CPXM2: variants seen among roughly 807,000 people sequenced by gnomAD.
CPXM2 encodes the protein carboxypeptidase X, M14 family member 2.
In CPXM2, 66 loss-of-function variants were observed where a neutral mutation model predicts 86.1. The ratio of observed to expected loss-of-function variants is 0.77; its 90% CI spans 0.63 to 0.94. The LOEUF is 0.94. Among genes scored for constraint, CPXM2 ranks in the 40% least tolerant of loss-of-function variants. CPXM2 has a pLI of 0.00. For synonymous variants in CPXM2, 388 were observed against 400.2 expected (o/e 0.97, Z 0.36); for missense variants, 948 against 1,026.3 (o/e 0.92, Z 1.04).
intron 4 of CPXM2, among the ~76,000 whole-genome samples, chr10:123,834,373 C>T (rs1248885970): frequency 6.6e-6 from 1 of 152,222 alleles, no homozygotes; most frequent in Non-Finnish European, 1.5e-5. Flanking sequence ...GACAACCCTG[C>T]CTGCTCCCCA....
At chr10:123,769,099 A>G (rs1463458679) in intron 8 of CPXM2, among the ~76,000 whole-genome samples, 1 of 152,232 alleles carries the variant, frequency 6.6e-6, no homozygotes, top group African/African-American at 2.4e-5. Flanking sequence ...CTTCCTATTA[A>G]GTTTAACAAA....
At chr10:123,755,755 C>T (rs1332129931) in intron 12 of CPXM2, among the ~76,000 whole-genome samples, 1 of 152,186 alleles carries the variant, frequency 6.6e-6, no homozygotes, top group Non-Finnish European at 1.5e-5. Flanking sequence ...TGTGCCAATC[C>T]AAGGTGACAT....
At chr10:123,775,826 T>G (rs1433084549) in intron 7 of CPXM2, among the ~76,000 whole-genome samples, 1 of 152,218 alleles carries the variant, frequency 6.6e-6, no homozygotes, top group African/African-American at 2.4e-5. Flanking sequence ...ATCTCTCCAG[T>G]GGCTACCAGC....
At chr10:123,908,246 A>G (rs1055917872) in intron 2 of CPXM2, among the ~76,000 whole-genome samples, 5 of 151,026 alleles carry the variant, frequency 3.3e-5, no homozygotes, top group African/African-American at 1.2e-4. Context: ...AGAGGAGGAA[A>G]GGATGGGGTG....
chr10:123,878,506 CGTGTGTGTGTGTGTGTGTGTGT>C (rs200009107), intron 2 of CPXM2, among the ~76,000 whole-genome samples: 4 of 134,800 alleles, frequency 3.0e-5, no homozygotes, highest in African/African-American at 1.1e-4. Context: ...CAAATTCAGA[CGTGTGTGTGTGTGTGTGTGTGT>C]GTGTGTGTGT....
intron 4 of CPXM2, among the ~76,000 whole-genome samples, chr10:123,805,147 CAG>C (rs1192409717): frequency 6.6e-6 from 1 of 151,988 alleles, no homozygotes. Context: ...TAGGTTGTAA[CAG>C]AGTTGTTTCA....
chr10:123,862,775 A>T, intron 2 of CPXM2, 52 bp from the exon 3 acceptor site: 1 of 1,491,904 alleles, frequency 6.7e-7, no homozygotes, highest in Non-Finnish European at 9.3e-7. Flanking sequence ...GAAAGGGATG[A>T]GTTTCTTATT....
chr10:123,917,943 T>C (rs1381087875), intron 2 of CPXM2, among the ~76,000 whole-genome samples: 2 of 152,202 alleles, frequency 1.3e-5, no homozygotes, highest in African/African-American at 4.8e-5. Context: ...TCAGGGATGA[T>C]GTTATAATAG....
intron 4 of CPXM2, among the ~76,000 whole-genome samples, chr10:123,819,367 A>G (rs1847878822): frequency 6.6e-6 from 1 of 152,222 alleles, no homozygotes; most frequent in South Asian, 2.1e-4. Flanking sequence ...CCAGGAAAAA[A>G]ACATGACCTG....
chr10:123,882,945 C>T (rs1945116647), intron 1 of CPXM2, among the ~76,000 whole-genome samples: 1 of 150,050 alleles, frequency 6.7e-6, no homozygotes, highest in Non-Finnish European at 1.5e-5. Flanking sequence ...AGGCACCCCC[C>T]ACCAACCCCG....
intron 2 of CPXM2, among the ~76,000 whole-genome samples, chr10:123,911,613 G>C (rs917862180): frequency 1.3e-5 from 2 of 152,006 alleles, no homozygotes; most frequent in African/African-American, 4.8e-5. Flanking sequence ...TCAGAGATGA[G>C]AGAAGCTGAG....
chr10:123,850,759 G>A (rs1056861635), intron 3 of CPXM2, among the ~76,000 whole-genome samples: 2 of 152,168 alleles, frequency 1.3e-5, no homozygotes, highest in East Asian at 1.9e-4. Flanking sequence ...GTATGCTGAC[G>A]CTGCTAAGAT....
intron 4 of CPXM2, among the ~76,000 whole-genome samples, chr10:123,808,583 T>C (rs546522590): frequency 6.6e-6 from 1 of 152,166 alleles, no homozygotes; most frequent in Non-Finnish European, 1.5e-5. Context: ...CACAGTGGTA[T>C]CCACTGGTTC....
At position 123,891,498 on chromosome 10, in the gene CPXM2, G is replaced by C; in HGVS notation, c.162C>G (p.Leu54=). Residue 54 remains leucine (L), a synonymous_variant, in exon 1 of 14, where the codon CTC becomes CTG. Coordinates refer to ENST00000241305, the MANE Select transcript of CPXM2 (RefSeq NM_198148.3). The surrounding 1 kb of genome is among the most constrained non-coding windows in gnomAD (Gnocchi z 5.6). ...CAGGCAGCGGCGGAGAGAAGGTCTC[G>C]AGCTCGGGCTCCGGGCGCGCGTAGT... ...EPYYARPEPE[L]ETFSPPLPAG... 1.3e-6 allele frequency: 2 copies of C among 1,547,948 alleles called. No individual in the cohort carries two copies. Among genetic ancestry groups the C allele is most frequent in the Non-Finnish European group, 1.7e-6 (2 of 1,145,390 alleles).
chr10:123,792,441 C>G (rs149751114), intron 6 of CPXM2, among the ~76,000 whole-genome samples: 2 of 152,098 alleles, frequency 1.3e-5, no homozygotes, highest in African/African-American at 4.8e-5. Flanking sequence ...AAACGCAAGG[C>G]GCCAGCTAGC....
At chr10:123,915,026 T>C (rs76870594) in intron 2 of CPXM2, among the ~76,000 whole-genome samples, 230 of 152,348 alleles carry the variant, frequency 1.5e-3, no homozygotes, top group African/African-American at 5.5e-3. Context: ...AGGTTTGAGA[T>C]TGGACCTGCT....
chr10:123,788,439 C>G (rs910542020), intron 6 of CPXM2, among the ~76,000 whole-genome samples: 2 of 152,134 alleles, frequency 1.3e-5, no homozygotes, highest in African/African-American at 4.8e-5. Flanking sequence ...AAGCCCGATA[C>G]GAAACTTCCC....
intron 2 of CPXM2, among the ~76,000 whole-genome samples, chr10:123,912,738 C>A (rs2134271800): frequency 6.6e-6 from 1 of 152,290 alleles, no homozygotes; most frequent in East Asian, 1.9e-4. Flanking sequence ...TGATCAATCA[C>A]CCACTTCCAT....
At chr10:123,818,356 T>A (rs1847855594) in intron 4 of CPXM2, among the ~76,000 whole-genome samples, 1 of 152,076 alleles carries the variant, frequency 6.6e-6, no homozygotes, top group African/African-American at 2.4e-5. Context: ...CACTGCTGAG[T>A]ACCCAATTTG....
Sources: allele counts gnomAD v4.1 joint callset (sites outside exome capture counted in the v4.1 genomes callset), GRCh38; gene constraint gnomAD v4.1.1; non-coding constraint Gnocchi (gnomAD v3.1); transcripts MANE v1.5; gene names NCBI Gene and HGNC (gene_info 2026-07-23, HGNC 2026-07-21).